SNTG1: variants seen among roughly 807,000 people sequenced by gnomAD.
SNTG1 encodes gamma-1-syntrophin.
In SNTG1, 39 loss-of-function variants were observed where a neutral mutation model predicts 74.7. That is an observed-to-expected ratio of 0.52 (90% CI 0.40 to 0.68). SNTG1 has a LOEUF of 0.68. Ranked by LOEUF, SNTG1 falls within the 30% of genes least tolerant of loss-of-function variation. SNTG1 has a pLI of 0.00. For synonymous variants in SNTG1, 254 were observed against 217.1 expected (o/e 1.17, Z -1.49); for missense variants, 685 against 609.5 (o/e 1.12, Z -1.30).
chr8:50,597,342 T>C (rs375152838), intron 13 of SNTG1, among the ~76,000 whole-genome samples: 73 of 135,422 alleles, frequency 5.4e-4, no homozygotes, highest in African/African-American at 1.6e-3. Flanking sequence ...TATATATACA[T>C]ATATACACGT....
At chr8:50,023,653 TG>T (rs766679465) in intron 1 of SNTG1, among the ~76,000 whole-genome samples, 10 of 152,148 alleles carry the variant, frequency 6.6e-5, no homozygotes, top group Non-Finnish European at 1.3e-4. Flanking sequence ...GTAAAACACT[TG>T]GGAACCTCTT....
At chr8:50,010,626 C>T (rs1815688297) in intron 1 of SNTG1, among the ~76,000 whole-genome samples, 1 of 151,826 alleles carries the variant, frequency 6.6e-6, no homozygotes. Flanking sequence ...AATACCAATG[C>T]AGTTATCTTA....
intron 2 of SNTG1, among the ~76,000 whole-genome samples, chr8:50,349,951 G>A (rs974273517): frequency 2.0e-4 from 31 of 152,178 alleles, no homozygotes; most frequent in Admixed American, 5.9e-4. Flanking sequence ...GGGCTGCACC[G>A]CGTGCTTATG....
At chr8:50,384,577 C>A (rs2092543903) in intron 2 of SNTG1, among the ~76,000 whole-genome samples, 1 of 152,158 alleles carries the variant, frequency 6.6e-6, no homozygotes, top group Non-Finnish European at 1.5e-5. Context: ...CAGTGTTGGT[C>A]TATGCTGCTG....
chr8:50,766,164 A>G (rs1315469822), intron 18 of SNTG1, among the ~76,000 whole-genome samples: 1 of 151,958 alleles, frequency 6.6e-6, no homozygotes, highest in African/African-American at 2.4e-5. Context: ...CCCTTACCCC[A>G]TTAGTTACCA....
At chr8:50,644,929 T>C (rs1360280189) in intron 13 of SNTG1, among the ~76,000 whole-genome samples, 1 of 151,674 alleles carries the variant, frequency 6.6e-6, no homozygotes, top group Non-Finnish European at 1.5e-5. Flanking sequence ...CTTTTTTTTT[T>C]TTTTTTTCCT....
chr8:50,263,529 A>G (rs1212888209), intron 2 of SNTG1, among the ~76,000 whole-genome samples: 2 of 152,198 alleles, frequency 1.3e-5, no homozygotes, highest in South Asian at 2.1e-4. Flanking sequence ...AGAAAAAGAC[A>G]TATAATGCAA....
chr8:50,015,962 G>T (rs1017017441), intron 1 of SNTG1, among the ~76,000 whole-genome samples: 1 of 152,130 alleles, frequency 6.6e-6, no homozygotes, highest in Non-Finnish European at 1.5e-5. Flanking sequence ...ATGCAGTTGG[G>T]TGTTGTTGTG....
At chr8:50,414,569 G>A (rs764674806) in intron 4 of SNTG1, among the ~76,000 whole-genome samples, 1 of 151,694 alleles carries the variant, frequency 6.6e-6, no homozygotes, top group Non-Finnish European at 1.5e-5. Flanking sequence ...TTTATACTTC[G>A]TCATCATTCC....
intron 18 of SNTG1, among the ~76,000 whole-genome samples, chr8:50,775,698 G>T (rs959577306): frequency 1.3e-5 from 2 of 151,618 alleles, no homozygotes; most frequent in African/African-American, 4.8e-5. Context: ...TTTACCAATT[G>T]TTAAGAGAGA....
intron 1 of SNTG1, among the ~76,000 whole-genome samples, chr8:50,050,761 A>G (rs981822009): frequency 2.0e-5 from 3 of 152,070 alleles, no homozygotes; most frequent in African/African-American, 7.2e-5. Context: ...TCAACATCCC[A>G]TATCAATGTA....
chr8:50,266,144 A>G (rs2087454328), intron 2 of SNTG1, among the ~76,000 whole-genome samples: 1 of 152,070 alleles, frequency 6.6e-6, no homozygotes. Flanking sequence ...TCTTGAGTTA[A>G]CAGAACAAAG....
chr8:50,138,673 C>A (rs1464772819), intron 1 of SNTG1, among the ~76,000 whole-genome samples: 2 of 147,264 alleles, frequency 1.4e-5, no homozygotes, highest in Admixed American at 6.8e-5. Context: ...ATAATAATTC[C>A]TTGAAAGACT....
At chr8:50,069,994 C>G (rs1279018643) in intron 1 of SNTG1, among the ~76,000 whole-genome samples, 1 of 152,048 alleles carries the variant, frequency 6.6e-6, no homozygotes, top group Non-Finnish European at 1.5e-5. Flanking sequence ...AGTTTCTTGT[C>G]TTCTGACCGT....
At chr8:50,732,661 A>G (rs1446014780) in intron 17 of SNTG1, among the ~76,000 whole-genome samples, 1 of 151,894 alleles carries the variant, frequency 6.6e-6, no homozygotes, top group Non-Finnish European at 1.5e-5. Context: ...AAGGGCTTAA[A>G]ATATATATTT....
intron 1 of SNTG1, among the ~76,000 whole-genome samples, chr8:50,105,807 G>T (rs559678790): frequency 5.3e-5 from 8 of 151,866 alleles, no homozygotes; most frequent in Non-Finnish European, 1.2e-4. Flanking sequence ...GAGTGAGATC[G>T]CATTCTGAAT....
At chr8:50,235,436 A>C in intron 2 of SNTG1, among the ~76,000 whole-genome samples, 1 of 152,284 alleles carries the variant, frequency 6.6e-6, no homozygotes, top group Non-Finnish European at 1.5e-5. Context: ...ATCCTGCAAA[A>C]CATCATGTTG....
intron 1 of SNTG1, among the ~76,000 whole-genome samples, chr8:50,131,870 A>T (rs569478474): frequency 2.1e-3 from 322 of 152,212 alleles, no homozygotes; most frequent in Non-Finnish European, 3.8e-3. Flanking sequence ...TACAATATAT[A>T]TAAAATAGCC....
intron 2 of SNTG1, among the ~76,000 whole-genome samples, chr8:50,388,460 G>GAATCA (rs1333748612): frequency 6.6e-6 from 1 of 152,122 alleles, no homozygotes; most frequent in Non-Finnish European, 1.5e-5. Context: ...TTAGATTACA[G>GAATCA]AATCAATTCC....
Sources: allele counts gnomAD v4.1 joint callset (sites outside exome capture counted in the v4.1 genomes callset), GRCh38; gene constraint gnomAD v4.1.1; transcripts MANE v1.5; gene names NCBI Gene and HGNC (gene_info 2026-07-23, HGNC 2026-07-21).